NOL8: variants seen among roughly 807,000 people sequenced by gnomAD.
The protein encoded by NOL8 is nucleolar protein Nop132.
Under a neutral mutation model 116.1 loss-of-function variants are expected in NOL8, and 93 were observed. That is an observed-to-expected ratio of 0.80 (90% CI 0.68 to 0.95). NOL8 has a LOEUF of 0.95. Among genes scored for constraint, NOL8 ranks in the 40% least tolerant of loss-of-function variants. The pLI, the probability that NOL8 is intolerant of heterozygous loss-of-function variation, is 0.00. For missense variants in NOL8, 1,291 were observed against 1,382.8 expected (o/e 0.93, Z 1.05); for synonymous variants, 419 against 469.0 (o/e 0.89, Z 1.38).
chr9:92,310,175 CT>C lies in NOL8; in HGVS notation c.2681del (p.Gln894ArgfsTer4). 1 of 1,602,868 alleles carries C rather than the reference CT, an allele frequency of 6.2e-7. No individual in the cohort carries two copies. Among genetic ancestry groups the C allele is most frequent in the Non-Finnish European group, 8.5e-7 (1 of 1,174,202 alleles). ...RFLETDSEEE[Q>X]EEVNEKKTAE... ...TCTGGACAATGAAGCATTTACCTTC[CT>C]GTTCCTCTTCACTGTCAGTTTCTAG... On this transcript the variant is annotated frameshift_variant, in exon 10 of 17. Coordinates refer to ENST00000442668, the MANE Select transcript of NOL8 (RefSeq NM_017948.6). LOFTEE classifies it high-confidence loss of function.
intron 14 of NOL8, among the ~76,000 whole-genome samples, chr9:92,299,529 T>C (rs573030488): frequency 6.6e-6 from 1 of 152,286 alleles, no homozygotes; most frequent in South Asian, 2.1e-4. Context: ...GGTGGGCAGA[T>C]TACTTGAGGT....
chr9:92,308,786 T>C (rs549221670), intron 10 of NOL8: 1 of 152,294 alleles, frequency 6.6e-6, no homozygotes, highest in African/African-American at 2.4e-5. Flanking sequence ...AGGATGTCAT[T>C]GGAGACAATG....
intron 2 of NOL8, 75 bp from the exon 3 acceptor site, chr9:92,323,578 T>C (rs1177388340): frequency 3.2e-6 from 4 of 1,249,914 alleles, no homozygotes; most frequent in Non-Finnish European, 4.3e-6. Context: ...AAAACGGTTG[T>C]TTCTAAATTA....
At chr9:92,310,386 C>A in intron 9 of NOL8, 125 bp from the exon 10 acceptor site, 1 of 1,149,736 alleles carries the variant, frequency 8.7e-7, no homozygotes. Context: ...TGCCTACCTC[C>A]ATCTACTTAT....
chr9:92,300,267 G>A, intron 13 of NOL8: 4 of 1,035,880 alleles, frequency 3.9e-6, no homozygotes, highest in Non-Finnish European at 3.5e-6. Context: ...TATAAAAAAG[G>A]TTTAAAAAAT....
intron 14 of NOL8, 86 bp downstream of exon 14, chr9:92,299,804 G>A: frequency 7.3e-7 from 1 of 1,375,674 alleles, no homozygotes; most frequent in Non-Finnish European, 1.0e-6. Context: ...GTTGTCATGT[G>A]AAGAGAAGCT....
In NOL8 at chr9:92,315,390, AAAG is replaced by A. The variant is rs777832231; in HGVS notation, c.1232_1234del (p.Ser411del). ...AAGCTCACAGTTTTCTCTATTTTTGAAAGAAGTTTTCTTCGTAGATTTTTCCAT... is the reference window on the plus strand; with the variant it reads ...AAGCTCACAGTTTTCTCTATTTTTGAAAGTTTTCTTCGTAGATTTTTCCAT... On this transcript the variant is annotated inframe_deletion, in exon 7 of 17. Coordinates refer to ENST00000442668, the MANE Select transcript of NOL8 (RefSeq NM_017948.6). 2.0e-5 allele frequency: 32 copies of A among 1,598,242 alleles called. No homozygotes were observed. The highest frequency in any genetic ancestry group is 2.6e-5 in the Non-Finnish European group (30 of 1,171,118).
chr9:92,311,704 A>ATGC (rs776513623), intron 7 of NOL8, among the ~76,000 whole-genome samples: 7 of 152,222 alleles, frequency 4.6e-5, no homozygotes, highest in Non-Finnish European at 8.8e-5. Flanking sequence ...AATATAACAG[A>ATGC]TGCTGGCAAG....
chr9:92,321,914 T>C (rs147519209), intron 3 of NOL8, among the ~76,000 whole-genome samples, 168 bp from the exon 4 acceptor site: 1 of 152,210 alleles, frequency 6.6e-6, no homozygotes, highest in Non-Finnish European at 1.5e-5. Flanking sequence ...CCTAGGCTCT[T>C]GTTTCATCTT....
At position 92,301,641 on chromosome 9, in the gene NOL8, G is replaced by A. The variant is rs1416611435; in HGVS notation, c.3085C>T (p.Gln1029Ter). Residue 1029 changes from glutamine to a stop codon, truncating the protein, a stop_gained, in exon 13 of 17, where the codon CAG becomes TAG. Coordinates refer to ENST00000442668, the MANE Select transcript of NOL8 (RefSeq NM_017948.6). LOFTEE classifies it high-confidence loss of function. Reference protein sequence around the residue: ...DCGKEKPEEIQDPAALTSDAE... With the variant: ...DCGKEKPEEI ...TCACTGGTCAGAGCTGCAGGGTCCT[G>A]GATTTCCTCAGGTTTCTCTTTACCA... The A allele has an allele frequency of 6.2e-7, 1 of 1,602,138 alleles. No homozygotes were observed. Among genetic ancestry groups the A allele is most frequent in the South Asian group, 1.1e-5 (1 of 88,306 alleles).
intron 7 of NOL8, among the ~76,000 whole-genome samples, chr9:92,312,608 C>T (rs951295902): frequency 1.3e-5 from 2 of 151,572 alleles, no homozygotes; most frequent in African/African-American, 4.8e-5. Flanking sequence ...AGGCGGATCA[C>T]GTGAGGTCAG....
intron 7 of NOL8, among the ~76,000 whole-genome samples, chr9:92,313,491 T>G (rs1205813592): frequency 6.6e-6 from 1 of 152,238 alleles, no homozygotes; most frequent in Non-Finnish European, 1.5e-5. Context: ...TGTCAACTCC[T>G]GTTCCAAAAT....
Position 92,314,401 on chromosome 9 carries a change from T to G in NOL8, c.2224A>C (p.Ile742Leu). 1 of 1,613,644 alleles carries G rather than the reference T, an allele frequency of 6.2e-7. No individual in the cohort carries two copies. Among genetic ancestry groups the G allele is most frequent in the South Asian group, 1.1e-5 (1 of 91,070 alleles). Residue 742 changes from isoleucine (I) to leucine (L), a missense_variant, in exon 7 of 17, where the codon ATT becomes CTT. Coordinates refer to ENST00000442668, the MANE Select transcript of NOL8 (RefSeq NM_017948.6). ...REIKTDFSLS[I>L]SNSSDVSAKD... ...GCACTCACATCTGACGAATTACTAATAGAAAGTGAGAAATCAGTTTTGATT... is the reference window on the plus strand; with the variant it reads ...GCACTCACATCTGACGAATTACTAAGAGAAAGTGAGAAATCAGTTTTGATT...
chr9:92,305,829 C>A lies in NOL8; in HGVS notation c.2827G>T (p.Asp943Tyr). Reference sequence around the variant, plus strand: ...TTCGTTGGATCATAATGTATGATGTCCCTATGTAAAAAAAGGAAGGGAGGT... The same window carrying A: ...TTCGTTGGATCATAATGTATGATGTACCTATGTAAAAAAAGGAAGGGAGGT... Reference protein sequence around the residue: ...RGSVAAKKFKDIIHYDPTKQD... With the variant: ...RGSVAAKKFKYIIHYDPTKQD... The change falls in exon 12 of 17, where the codon GAC (aspartate) becomes TAC (tyrosine). Residue 943 changes from aspartate (D) to tyrosine (Y), a missense_variant and splice_region_variant. By Grantham distance (160) the Asp-to-Tyr change is radical (BLOSUM62 -3). Transcript: ENST00000442668. The A allele has an allele frequency of 6.2e-7, 1 of 1,607,390 alleles. No homozygotes were observed. The highest frequency in any genetic ancestry group is 8.5e-7 in the Non-Finnish European group (1 of 1,175,004).
intron 13 of NOL8, chr9:92,300,432 C>A (rs1837637788): frequency 1.0e-6 from 1 of 988,422 alleles, no homozygotes; most frequent in Non-Finnish European, 1.2e-6. Flanking sequence ...TATATCTTTA[C>A]ATTTTCAATA....
At chr9:92,303,265 A>ATC (rs1837906270) in intron 12 of NOL8, among the ~76,000 whole-genome samples, 1 of 152,210 alleles carries the variant, frequency 6.6e-6, no homozygotes, top group Admixed American at 6.5e-5. Flanking sequence ...AACATGGTCT[A>ATC]AAGAAGGGGT....
intron 14 of NOL8, 84 bp downstream of exon 14, chr9:92,299,806 A>C: frequency 1.4e-6 from 2 of 1,410,492 alleles, no homozygotes; most frequent in Non-Finnish European, 1.9e-6. Flanking sequence ...TGTCATGTGA[A>C]GAGAAGCTAA....
At chr9:92,308,322 A>T (rs1176896528) in intron 10 of NOL8, among the ~76,000 whole-genome samples, 1 of 152,198 alleles carries the variant, frequency 6.6e-6, no homozygotes, top group East Asian at 1.9e-4. Flanking sequence ...TGACTGTGCC[A>T]CTGCACTCCA....
In NOL8 at chr9:92,307,006, GTTTTC is replaced by G. The variant is rs762416406; in HGVS notation, c.2700_2704del (p.Lys900AsnfsTer3). 9 of 1,610,338 alleles carry G rather than the reference GTTTTC, an allele frequency of 5.6e-6. No individual in the cohort carries two copies. Among genetic ancestry groups the G allele is most frequent in the East Asian group, 2.2e-5 (1 of 44,816 alleles). On this transcript the variant is annotated frameshift_variant, in exon 11 of 17. Transcript: ENST00000442668. LOFTEE classifies it high-confidence loss of function. ...TTCAGCAAGCTCTTCTTCCTCAGCA[GTTTTC>G]TTTTCATTTACCTCTTTGAGGAAAA...
Sources: gnomAD v4.1 joint callset for allele counts (sites outside exome capture counted in the v4.1 genomes callset) on GRCh38, gnomAD v4.1.1 for gene constraint, MANE v1.5 for transcripts, NCBI Gene and HGNC (gene_info 2026-07-23, HGNC 2026-07-21) for gene names.